Variants in ADAMTS16 observed in about 807,000 individuals in gnomAD.
The protein encoded by ADAMTS16 is ADAM metallopeptidase with thrombospondin type 1 motif 16.
ADAMTS16 carries 94 observed loss-of-function variants against 145.8 expected under a neutral mutation model. That is an observed-to-expected ratio of 0.64 (90% CI 0.55 to 0.77). The LOEUF (loss-of-function observed/expected upper bound fraction) is 0.77, where lower values mean the gene tolerates loss of function less well. Ranked by LOEUF, ADAMTS16 falls within the 30% of genes least tolerant of loss-of-function variation. ADAMTS16 has a pLI of 0.00. For missense variants in ADAMTS16, 1,585 were observed against 1,591.5 expected, an observed-to-expected ratio of 1.00 and a Z score of 0.07; for synonymous variants, 659 against 604.3, an observed-to-expected ratio of 1.09 and a Z score of -1.33.
At chr5:5,230,902 G>C (rs899977428) in intron 11 of ADAMTS16, among the ~76,000 whole-genome samples, 7 of 152,142 alleles carry the variant, frequency 4.6e-5, no homozygotes, top group Non-Finnish European at 8.8e-5. Context: ...TTCAAACCAA[G>C]AGAGATTTTC....
At chr5:5,282,110 CTGTT>C (rs1738940709) in intron 18 of ADAMTS16, among the ~76,000 whole-genome samples, 1 of 79,500 alleles carries the variant, frequency 1.3e-5, no homozygotes, top group African/African-American at 4.0e-5. Context: ...GGGAGATAAA[CTGTT>C]TGGTCCTTGA....
chr5:5,146,468 C>A lies in ADAMTS16; in HGVS notation c.501+13C>A. ...CTGCCAAGGCTTGGTGAGTACAGCGCAAGCCCCAGGTAGGGAGGCGAGGTT... is the reference window on the plus strand; with the variant it reads ...CTGCCAAGGCTTGGTGAGTACAGCGAAAGCCCCAGGTAGGGAGGCGAGGTT... On this transcript the variant is annotated intron_variant, in intron 3 of 22. Transcript: ENST00000274181. The A allele has an allele frequency of 6.3e-7, 1 of 1,586,404 alleles. No homozygotes were observed.
intron 17 of ADAMTS16, among the ~76,000 whole-genome samples, chr5:5,256,303 G>A (rs1022035821): frequency 6.6e-6 from 1 of 152,210 alleles, no homozygotes; most frequent in Non-Finnish European, 1.5e-5. Context: ...ATGCACTGCT[G>A]TGCTGCATAA....
intron 3 of ADAMTS16, 82 bp from the exon 4 acceptor site, chr5:5,181,955 TAATAACA>T: frequency 7.1e-7 from 1 of 1,406,992 alleles, no homozygotes. Context: ...TCCAAGAGAA[TAATAACA>T]AATGCAATGC....
chr5:5,272,136 A>T (rs1738504755), intron 18 of ADAMTS16, among the ~76,000 whole-genome samples: 1 of 152,088 alleles, frequency 6.6e-6, no homozygotes, highest in Admixed American at 6.6e-5. Context: ...AATGAAAAGA[A>T]ATCTGGTTGC....
At chr5:5,178,487 T>C (rs1050841287) in intron 3 of ADAMTS16, among the ~76,000 whole-genome samples, 1 of 152,244 alleles carries the variant, frequency 6.6e-6, no homozygotes, top group Non-Finnish European at 1.5e-5. Flanking sequence ...GCTTGCAAAC[T>C]AATAATGAAA....
chr5:5,239,860 C>G lies in ADAMTS16; in HGVS notation c.2458C>G (p.Arg820Gly), dbSNP rs747638541. 6.2e-7 allele frequency: 1 copy of G among 1,614,092 alleles called. No homozygotes were observed. Among genetic ancestry groups the G allele is most frequent in the Admixed American group, 1.7e-5 (1 of 60,022 alleles). Reference protein sequence around the residue: ...KFSGTTFDYRRSYNEPENLIA... With the variant: ...KFSGTTFDYRGSYNEPENLIA... Reference sequence around the variant, plus strand: ...TTCGGGCACTACTTTCGACTACAGACGGTCCTATAATGAGCCCGAGAACTT... The same window carrying G: ...TTCGGGCACTACTTTCGACTACAGAGGGTCCTATAATGAGCCCGAGAACTT... Residue 820 changes from arginine to glycine, a missense_variant, in exon 16 of 23, where the codon CGG (arginine) becomes GGG (glycine). Arg to Gly is a moderately radical substitution (Grantham distance 125). Transcript: ENST00000274181.
intron 3 of ADAMTS16, among the ~76,000 whole-genome samples, chr5:5,178,609 ATTAT>A (rs1305209231): frequency 1.3e-5 from 2 of 152,216 alleles, no homozygotes; most frequent in African/African-American, 4.8e-5. Flanking sequence ...GAAATTGGAG[ATTAT>A]TTAAATACTG....
chr5:5,236,294 C>G lies in ADAMTS16; in HGVS notation c.2024-675C>G, dbSNP rs1278313038. Among the ~76,000 whole-genome samples, 3 of 117,956 alleles carry G rather than the reference C, an allele frequency of 2.5e-5. No homozygotes were observed. The Admixed American group carries it at 2.8e-4, about 11-fold the overall frequency. 77.4% of individuals were successfully genotyped at this position (117,956 alleles called of 152,430 possible). On this transcript the variant is annotated intron_variant, in intron 13 of 22. Coordinates refer to ENST00000274181, the MANE Select transcript of ADAMTS16 (RefSeq NM_139056.4). Reference sequence around the variant, plus strand: ...AGATGAAATTTTCATCATTAATTGTCCCTCCCCTTTTTTTTTTACCAAGAA... The same window carrying G: ...AGATGAAATTTTCATCATTAATTGTGCCTCCCCTTTTTTTTTTACCAAGAA...
intron 11 of ADAMTS16, among the ~76,000 whole-genome samples, chr5:5,224,084 GA>G (rs1316383477): frequency 6.6e-6 from 1 of 152,000 alleles, no homozygotes; most frequent in East Asian, 1.9e-4. Flanking sequence ...GCCAACTGAA[GA>G]AATGAACAGA....
At chr5:5,159,311 G>A (rs559978265) in intron 3 of ADAMTS16, among the ~76,000 whole-genome samples, 5 of 152,276 alleles carry the variant, frequency 3.3e-5, no homozygotes, top group African/African-American at 1.2e-4. Flanking sequence ...GAGTCAGACA[G>A]GTCTTGATCA....
chr5:5,231,663 G>A (rs1469296806), intron 11 of ADAMTS16, among the ~76,000 whole-genome samples: 3 of 152,164 alleles, frequency 2.0e-5, no homozygotes, highest in Admixed American at 6.5e-5. Flanking sequence ...TGTTGGACAC[G>A]GTGTTAAATA....
At chr5:5,235,208 G>A (rs779841312) in intron 13 of ADAMTS16, 22 bp downstream of exon 13, 4 of 1,539,288 alleles carry the variant, frequency 2.6e-6, no homozygotes, top group South Asian at 2.4e-5. Context: ...ACTGCTTTCG[G>A]GTAATAGCCT....
chr5:5,201,164 C>T (rs991238287), intron 9 of ADAMTS16, among the ~76,000 whole-genome samples: 1 of 152,056 alleles, frequency 6.6e-6, no homozygotes, highest in Non-Finnish European at 1.5e-5. Context: ...TGCAGCCATC[C>T]GGGGACTGAG....
chr5:5,294,555 T>A (rs1331586691), intron 18 of ADAMTS16, among the ~76,000 whole-genome samples: 1 of 152,192 alleles, frequency 6.6e-6, no homozygotes, highest in Non-Finnish European at 1.5e-5. Flanking sequence ...TTACTCAAAG[T>A]CTACAGATTT....
rs1561009235 is a variant in ADAMTS16 at position 5,317,829 on chromosome 5, CT to C, written c.3412-304del. On this transcript the variant is annotated intron_variant, in intron 21 of 22. Transcript: ENST00000274181. This position sits in a 1 kb window ranked among gnomAD's most constrained non-coding sequence, Gnocchi z 4.5. ...GAGCAAGTCCTGTCACCGCTCAAGG[CT>C]CAAGGCTGTCTTCTATCTGAAAACA... Among the ~76,000 whole-genome samples the C allele has an allele frequency of 2.0e-5, 3 of 148,744 alleles. No individual in the cohort carries two copies. Among genetic ancestry groups the C allele is most frequent in the African/African-American group, 7.4e-5 (3 of 40,396 alleles).
rs1476533932 is a variant in ADAMTS16 at position 5,235,042 on chromosome 5, G to A, written c.1879G>A (p.Gly627Ser). ...KPSHGGKFCE[G>S]STRTLKLCNS... ...ATCGCATGGAGGGAAGTTCTGTGAG[G>A]GCTCCACTCGCACTCTGAAGCTCTG... Residue 627 changes from glycine (G) to serine (S), a missense_variant, in exon 13 of 23, where the codon GGC (glycine) becomes AGC (serine). Gly to Ser is a moderately conservative substitution (Grantham distance 56). This residue lies in a region of ADAMTS16 where 834 missense variants were observed against 811.7 expected (regional missense o/e 1.03). Coordinates refer to ENST00000274181, the MANE Select transcript of ADAMTS16 (RefSeq NM_139056.4). 1 of 1,590,008 alleles carries A rather than the reference G, an allele frequency of 6.3e-7. No individual in the cohort carries two copies. The highest frequency in any genetic ancestry group is 1.7e-5 in the Admixed American group (1 of 59,226).
At chr5:5,208,281 G>A (rs553783594) in intron 9 of ADAMTS16, among the ~76,000 whole-genome samples, 1 of 152,160 alleles carries the variant, frequency 6.6e-6, no homozygotes, top group Admixed American at 6.5e-5. Context: ...AGGATGATCT[G>A]CCATTGCTCA....
chr5:5,235,301 T>C (rs373747935), intron 13 of ADAMTS16, 115 bp downstream of exon 13: 1 of 1,142,694 alleles, frequency 8.8e-7, no homozygotes. Context: ...CTCTGGGAGG[T>C]GAGGGTCGCA....
Sources: allele counts gnomAD v4.1 joint callset (sites outside exome capture counted in the v4.1 genomes callset), GRCh38; gene constraint gnomAD v4.1.1; regional missense constraint gnomAD v4.1.1; non-coding constraint Gnocchi (gnomAD v3.1); transcripts MANE v1.5; gene names NCBI Gene and HGNC (gene_info 2026-07-23, HGNC 2026-07-21).